TAFA2: variants seen among roughly 807,000 people sequenced by gnomAD.
The protein encoded by TAFA2 is TAFA chemokine like family member 2.
A neutral mutation model predicts 18.8 loss-of-function variants in TAFA2; 7 were observed. That is an observed-to-expected ratio of 0.37 (90% CI 0.21 to 0.70). The LOEUF is 0.70. Among genes scored for constraint, TAFA2 ranks in the 30% least tolerant of loss-of-function variants. TAFA2 has a pLI of 0.53. For missense variants in TAFA2, 122 were observed against 158.1 expected, an observed-to-expected ratio of 0.77 and a Z score of 1.23; for synonymous variants, 60 against 54.2, an observed-to-expected ratio of 1.11 and a Z score of -0.47.
At chr12:61,922,334 C>A (rs904909130) in intron 1 of TAFA2, among the ~76,000 whole-genome samples, 2 of 150,684 alleles carry the variant, frequency 1.3e-5, no homozygotes, top group Non-Finnish European at 3.0e-5. Context: ...GGAACAGCTC[C>A]GGTCTGCAGC....
At chr12:61,883,184 C>T (rs952002509) in intron 1 of TAFA2, among the ~76,000 whole-genome samples, 36 of 152,066 alleles carry the variant, frequency 2.4e-4, no homozygotes, top group African/African-American at 8.2e-4. Flanking sequence ...AAAAAAAATT[C>T]ATCTTTCAGC....
chr12:62,129,277 A>G (rs1229450475), intron 1 of TAFA2, among the ~76,000 whole-genome samples: 1 of 151,948 alleles, frequency 6.6e-6, no homozygotes, highest in East Asian at 1.9e-4. Flanking sequence ...ATACCATACC[A>G]CCTATTATTT....
intron 4 of TAFA2, among the ~76,000 whole-genome samples, chr12:61,743,551 T>G (rs59104621): frequency 0.015 from 2,255 of 152,220 alleles, 48 homozygotes; most frequent in African/African-American, 0.05. Context: ...TATCCAGGAC[T>G]TTCTTGACCA....
intron 4 of TAFA2, among the ~76,000 whole-genome samples, chr12:61,728,904 T>C (rs999471577): frequency 6.6e-6 from 1 of 152,034 alleles, no homozygotes; most frequent in African/African-American, 2.4e-5. Context: ...AGATTTAGAA[T>C]TTCTTTTAAC....
rs191832971 is a variant in TAFA2 at position 61,797,146 on chromosome 12, A to T, written c.107-42122T>A. ...GCCTATTTAGTCCAATTGGTTGTAG[A>T]ATGGTTAACAGAGTTTACGTAGCAT... is the stretch of plus-strand genomic sequence containing the variant. On this transcript the variant is annotated intron_variant, in intron 2 of 4. Transcript: ENST00000416284. Among the ~76,000 whole-genome samples, 6 of 152,304 alleles carry T rather than the reference A, an allele frequency of 3.9e-5. No homozygotes were observed. The East Asian group carries it at 1.2e-3, about 29-fold the overall frequency.
intron 2 of TAFA2, among the ~76,000 whole-genome samples, chr12:61,785,643 A>T (rs1463689347): frequency 1.3e-5 from 2 of 151,474 alleles, no homozygotes; most frequent in African/African-American, 2.4e-5. Flanking sequence ...TTTCTGGAAG[A>T]ATTTGGAGTA....
chr12:62,071,344 T>A (rs1374255626), intron 1 of TAFA2, among the ~76,000 whole-genome samples: 1 of 152,018 alleles, frequency 6.6e-6, no homozygotes, highest in Non-Finnish European at 1.5e-5. Flanking sequence ...CAAAATAAGC[T>A]CAAAGAGGAG....
chr12:61,846,692 T>A (rs1485995890), intron 2 of TAFA2, among the ~76,000 whole-genome samples: 2 of 152,196 alleles, frequency 1.3e-5, no homozygotes. Flanking sequence ...AAAAACTTAA[T>A]TCTTGATTAA....
At position 61,729,075 on chromosome 12, in the gene TAFA2, C is replaced by T. The variant is rs180783472; in HGVS notation, c.385-18658G>A. 2.0e-3 allele frequency among the ~76,000 whole-genome samples: 299 copies of T among 151,830 alleles called. 1 individual carries two copies. The highest frequency in any genetic ancestry group is 0.01 in the Middle Eastern group (3 of 294). The stretch of plus-strand genomic sequence containing the variant: ...AGAAGGCTAAAAATAGCACCCCAAT[C>T]TCTTCTAGCTTGTATAGTTTCTGCT... On this transcript the variant is annotated intron_variant, in intron 4 of 4. Coordinates refer to ENST00000416284, the MANE Select transcript of TAFA2 (RefSeq NM_178539.5).
rs71083956 is a variant in TAFA2 at position 61,760,365 on chromosome 12, A to AATATATATATATATATAT, written c.107-5359_107-5342dup. ...TTGGCATTGGTAGGAAAAATATCAA[A>AATATATATATATATATAT]ATATATATATATATATATGCGCCAG... On this transcript the variant is annotated intron_variant, in intron 2 of 4. Transcript: ENST00000416284. Among the ~76,000 whole-genome samples, 650 of 122,174 alleles carry AATATATATATATATATAT rather than the reference A, an allele frequency of 5.3e-3. 26 individuals are homozygous for AATATATATATATATATAT. The highest frequency in any genetic ancestry group is 0.017 in the African/African-American group (581 of 33,374). 80.2% of individuals were successfully genotyped at this position (122,174 alleles called of 152,430 possible). A position where few individuals can be genotyped will look rare whatever the true frequency, so the allele number is the denominator to read the frequency against.
chr12:61,975,210 G>C (rs1879386339), intron 1 of TAFA2, among the ~76,000 whole-genome samples: 3 of 151,586 alleles, frequency 2.0e-5, no homozygotes, highest in Non-Finnish European at 4.4e-5. Context: ...TTAATATGTA[G>C]TCTTCATGCT....
At chr12:62,081,141 A>G (rs1010402375) in intron 1 of TAFA2, among the ~76,000 whole-genome samples, 22 of 152,110 alleles carry the variant, frequency 1.4e-4, no homozygotes, top group African/African-American at 2.6e-4. Context: ...CTTGCAGTGA[A>G]CCGAGATCGC....
At chr12:61,975,513 T>TTGTGTGTGTGTGTGTGTG (rs1267246135) in intron 1 of TAFA2, among the ~76,000 whole-genome samples, 2 of 15,300 alleles carry the variant, frequency 1.3e-4, no homozygotes, top group African/African-American at 5.0e-4. Context: ...TCAATAATAT[T>TTGTGTGTGTGTGTGTGTG]CGTGTGTGTG....
In TAFA2 at chr12:62,037,425, T is replaced by C. The variant is rs562982542; in HGVS notation, c.-2+153834A>G. Among the ~76,000 whole-genome samples the C allele has an allele frequency of 5.4e-4, 83 of 152,326 alleles. No individual in the cohort carries two copies. The South Asian group carries it at 0.017, about 31-fold the overall frequency. On this transcript the variant is annotated intron_variant, in intron 1 of 4. Coordinates refer to ENST00000416284, the MANE Select transcript of TAFA2 (RefSeq NM_178539.5). ...TGTGATTAAATTGCTCTCTCTTGAG[T>C]TCTGGCTCAAAATTCCAGGCAAATT...
At chr12:61,762,937 C>A (rs1869623821) in intron 2 of TAFA2, among the ~76,000 whole-genome samples, 1 of 151,954 alleles carries the variant, frequency 6.6e-6, no homozygotes, top group African/African-American at 2.4e-5. Context: ...CCTACATGCA[C>A]CAATAGGCAA....
chr12:61,774,278 A>T (rs1278772564), intron 2 of TAFA2, among the ~76,000 whole-genome samples: 1 of 151,936 alleles, frequency 6.6e-6, no homozygotes, highest in East Asian at 1.9e-4. Flanking sequence ...ATACTCCTTA[A>T]AGAATTAAAA....
intron 1 of TAFA2, among the ~76,000 whole-genome samples, chr12:62,093,706 G>A (rs1255895883): frequency 6.6e-6 from 1 of 152,012 alleles, no homozygotes; most frequent in Non-Finnish European, 1.5e-5. Flanking sequence ...TTCAAAAACA[G>A]CACCAAAGCC....
At position 61,902,407 on chromosome 12, in the gene TAFA2, G is replaced by A. The variant is rs935119626; in HGVS notation, c.-1-34981C>T. ...CATAGAAACTATCTCCTGTGCTAGAGTTAACTTTGCTGTCTGCCTCTTCCT... is the reference window on the plus strand; with the variant it reads ...CATAGAAACTATCTCCTGTGCTAGAATTAACTTTGCTGTCTGCCTCTTCCT... On this transcript the variant is annotated intron_variant, in intron 1 of 4. Coordinates refer to ENST00000416284, the MANE Select transcript of TAFA2 (RefSeq NM_178539.5). Among the ~76,000 whole-genome samples, 3 of 152,164 alleles carry A rather than the reference G, an allele frequency of 2.0e-5. No homozygotes were observed. The East Asian group carries it at 5.8e-4, about 29-fold the overall frequency.
intron 1 of TAFA2, among the ~76,000 whole-genome samples, chr12:62,045,176 C>G (rs1441736357): frequency 6.6e-6 from 1 of 152,118 alleles, no homozygotes; most frequent in Non-Finnish European, 1.5e-5. Context: ...AATGTACTTC[C>G]AAAGAAATAT....
Sources: gnomAD v4.1 joint callset for allele counts (sites outside exome capture counted in the v4.1 genomes callset) on GRCh38, gnomAD v4.1.1 for gene constraint, MANE v1.5 for transcripts, NCBI Gene and HGNC (gene_info 2026-07-23, HGNC 2026-07-21) for gene names.